The following SMPD3 variants were observed in gnomAD, a reference collection of about 807,000 sequenced individuals.
SMPD3 encodes the protein sphingomyelin phosphodiesterase 3.
Under a neutral mutation model 55.7 loss-of-function variants are expected in SMPD3, and 21 were observed. The ratio of observed to expected loss-of-function variants is 0.38; its 90% CI spans 0.27 to 0.54. The LOEUF is 0.54. Among genes scored for constraint, SMPD3 ranks in the 20% least tolerant of loss-of-function variants. SMPD3 has a pLI of 0.80. For synonymous variants in SMPD3, 457 were observed against 404.3 expected (o/e 1.13, Z -1.56); for missense variants, 842 against 899.6 (o/e 0.94, Z 0.82).
At chr16:68,419,982 CT>C (rs34861442) in intron 1 of SMPD3, among the ~76,000 whole-genome samples, 4,076 of 140,306 alleles carry the variant, frequency 0.029, 67 homozygotes, top group Non-Finnish European at 0.034. Context: ...ATAGCTATTG[CT>C]TTTTTTTTTT....
intron 1 of SMPD3, among the ~76,000 whole-genome samples, chr16:68,393,239 T>C: frequency 6.6e-6 from 1 of 152,094 alleles, no homozygotes; most frequent in South Asian, 2.1e-4. Flanking sequence ...ACCCCATCTC[T>C]AGTAAAAACA....
chr16:68,359,738 A>AAAAC lies in SMPD3; in HGVS notation c.*1464_*1467dup, dbSNP rs1469831161. ...GAGCGGAGGTCAGCGGGGATTGTCA[A>AAAAC]AAACAGTCCCTCAAGTTGAGTCTCG... On this transcript the variant is annotated 3_prime_UTR_variant, in exon 9 of 9. Coordinates refer to ENST00000219334, the MANE Select transcript of SMPD3 (RefSeq NM_018667.4). The AAAAC allele has an allele frequency of 2.0e-5, 3 of 152,598 alleles. No homozygotes were observed. Among genetic ancestry groups the AAAAC allele is most frequent in the Non-Finnish European group, 4.4e-5 (3 of 68,114 alleles). The allele number at this position is 152,598 out of a possible 1,614,324, so 9.5% of individuals were successfully genotyped here.
intron 3 of SMPD3, among the ~76,000 whole-genome samples, chr16:68,367,110 G>C (rs2089504086): frequency 6.6e-6 from 1 of 152,146 alleles, no homozygotes; most frequent in Non-Finnish European, 1.5e-5. Flanking sequence ...GGAGGTTGCA[G>C]TGAGCCAAGA....
intron 1 of SMPD3, among the ~76,000 whole-genome samples, chr16:68,436,981 C>CG (rs1474641652): frequency 6.6e-6 from 1 of 152,198 alleles, no homozygotes; most frequent in Non-Finnish European, 1.5e-5. Context: ...TATAAGATCC[C>CG]GACTTGCCTC....
chr16:68,441,714 C>T (rs1263665703), intron 1 of SMPD3, among the ~76,000 whole-genome samples: 1 of 151,940 alleles, frequency 6.6e-6, no homozygotes, highest in African/African-American at 2.4e-5. Flanking sequence ...AGACATTCTA[C>T]TTTTCCTATT....
chr16:68,411,724 G>A (rs1020548318), intron 1 of SMPD3, among the ~76,000 whole-genome samples: 1 of 152,208 alleles, frequency 6.6e-6, no homozygotes, highest in South Asian at 2.1e-4. Context: ...TAACCTTGAT[G>A]TTTTATTCTG....
intron 1 of SMPD3, among the ~76,000 whole-genome samples, chr16:68,391,805 AC>A (rs2090113229): frequency 6.6e-6 from 1 of 152,234 alleles, no homozygotes; most frequent in South Asian, 2.1e-4. Context: ...CCCTAAACCC[AC>A]TGTGTGGCTG....
intron 1 of SMPD3, among the ~76,000 whole-genome samples, chr16:68,414,971 G>C (rs6499176): frequency 0.75 from 114,298 of 152,028 alleles, 43,400 homozygotes; most frequent in East Asian, 0.88. Flanking sequence ...TATGCATTGG[G>C]TGGATGCTGA....
At position 68,422,558 on chromosome 16, in the gene SMPD3, G is replaced by A. The variant is rs185230562; in HGVS notation, c.-269+25795C>T. On this transcript the variant is annotated intron_variant, in intron 1 of 8. Transcript: ENST00000219334. ...ACAGTACAGGCCCAGCTGCTTGGAG[G>A]CCTCCAGTCAGGTGAGAACTGGTGG... Among the ~76,000 whole-genome samples the A allele has an allele frequency of 5.9e-5, 9 of 152,312 alleles. No homozygotes were observed. The East Asian group carries it at 9.6e-4, about 16-fold the overall frequency.
chr16:68,409,734 T>C (rs545819667), intron 1 of SMPD3, among the ~76,000 whole-genome samples: 9 of 152,218 alleles, frequency 5.9e-5, no homozygotes, highest in South Asian at 4.1e-4. Flanking sequence ...GCTGGGACTA[T>C]AGGCGCCCGC....
intron 1 of SMPD3, among the ~76,000 whole-genome samples, chr16:68,446,086 C>T (rs1272387758): frequency 6.6e-6 from 1 of 152,214 alleles, no homozygotes; most frequent in Admixed American, 6.5e-5. Context: ...CCTGCACCCA[C>T]ATCATAAGTG....
At chr16:68,423,014 A>G (rs1381326393) in intron 1 of SMPD3, among the ~76,000 whole-genome samples, 1 of 152,158 alleles carries the variant, frequency 6.6e-6, no homozygotes, top group African/African-American at 2.4e-5. Context: ...CTTCACAGTC[A>G]TTTTCAAAGT....
intron 1 of SMPD3, among the ~76,000 whole-genome samples, chr16:68,424,045 A>G (rs2090416910): frequency 6.6e-6 from 1 of 151,138 alleles, no homozygotes; most frequent in Non-Finnish European, 1.5e-5. Context: ...CCCTCCCTGC[A>G]CAAAGCCCAA....
rs757170005 is a variant in SMPD3 at position 68,371,796 on chromosome 16, G to C, written c.386C>G (p.Ala129Gly). ...TGAGTCGGGCAGGAGGCAGACGTTG[G>C]CAGTGGCAAAGCAGAAGCTTTTGCC... ...GPGKSFCFAT[A>G]NVCLLPDSLA... The change falls in exon 3 of 9, where the codon GCC (alanine) becomes GGC (glycine). Residue 129 changes from alanine to glycine, a missense_variant. By Grantham distance (60) the Ala-to-Gly change is moderately conservative. This residue lies in a region of SMPD3 where 193 missense variants were observed against 256.0 expected (regional missense o/e 0.75). Transcript: ENST00000219334. 6.2e-7 allele frequency: 1 copy of C among 1,609,596 alleles called. No individual in the cohort carries two copies. Among genetic ancestry groups the C allele is most frequent in the Non-Finnish European group, 8.5e-7 (1 of 1,178,314 alleles).
chr16:68,406,409 TG>T (rs2090254863), intron 1 of SMPD3, among the ~76,000 whole-genome samples: 1 of 152,162 alleles, frequency 6.6e-6, no homozygotes, highest in African/African-American at 2.4e-5. Context: ...TCCTCTTCCT[TG>T]GGGATGGGGC....
chr16:68,371,596 C>G lies in SMPD3; in HGVS notation c.586G>C (p.Val196Leu), dbSNP rs1567785027. The change falls in exon 3 of 9, where the codon GTG (valine) becomes CTG (leucine). Residue 196 changes from valine (V) to leucine (L), a missense_variant. Coordinates refer to ENST00000219334, the MANE Select transcript of SMPD3 (RefSeq NM_018667.4). ...ATGCTCCCGGGGACGGCCCGGGCCA[C>G]CCCATCGCCGCCCTGTGGTGACACC... ...SLVSPQGGDGVARAVPGSIKR... is the reference protein window; with the variant it reads ...SLVSPQGGDGLARAVPGSIKR... 1 of 1,571,864 alleles carries G rather than the reference C, an allele frequency of 6.4e-7. No individual in the cohort carries two copies. The highest frequency in any genetic ancestry group is 1.7e-4 in the Middle Eastern group (1 of 5,866).
rs1182903114 is a variant in SMPD3 at position 68,447,201 on chromosome 16, C to G, written c.-269+1152G>C. Among the ~76,000 whole-genome samples, 1 of 152,170 alleles carries G rather than the reference C, an allele frequency of 6.6e-6. No homozygotes were observed. The highest frequency in any genetic ancestry group is 2.4e-5 in the African/African-American group (1 of 41,444). On this transcript the variant is annotated intron_variant, in intron 1 of 8. Transcript: ENST00000219334. This position sits in a 1 kb window ranked among gnomAD's most constrained non-coding sequence, Gnocchi z 5.1. ...AGCGCGAAAGCCCCATGCCTTGGAA[C>G]AGCCACCGCGCGTCCTGGAAGCAGG...
At chr16:68,400,218 G>T (rs1253399922) in intron 1 of SMPD3, among the ~76,000 whole-genome samples, 3 of 152,232 alleles carry the variant, frequency 2.0e-5, no homozygotes, top group African/African-American at 4.8e-5. Flanking sequence ...CGTGTCGGGG[G>T]TGATGTGGTC....
intron 3 of SMPD3, among the ~76,000 whole-genome samples, chr16:68,366,086 AG>A (rs1212581327): frequency 6.6e-6 from 1 of 152,132 alleles, no homozygotes; most frequent in Non-Finnish European, 1.5e-5. Flanking sequence ...TCCCAAGATG[AG>A]GAGACCCCAG....
Sources: gnomAD v4.1 joint callset for allele counts (sites outside exome capture counted in the v4.1 genomes callset) on GRCh38, gnomAD v4.1.1 for gene constraint, gnomAD v4.1.1 regional missense constraint, Gnocchi (gnomAD v3.1) non-coding constraint, MANE v1.5 for transcripts, NCBI Gene and HGNC (gene_info 2026-07-23, HGNC 2026-07-21) for gene names.